The following TRIM66 variants were observed in gnomAD, a reference collection of about 807,000 sequenced individuals.
The protein encoded by TRIM66 is tripartite motif-containing protein 66.
In TRIM66, 99 loss-of-function variants were observed where a neutral mutation model predicts 148.2. That is an observed-to-expected ratio of 0.67 (90% CI 0.57 to 0.79). TRIM66 has a LOEUF of 0.79. Among genes scored for constraint, TRIM66 ranks in the 30% least tolerant of loss-of-function variants. The pLI, the probability that TRIM66 is intolerant of heterozygous loss-of-function variation, is 0.00. For missense variants in TRIM66, 1,666 were observed against 1,697.9 expected (o/e 0.98, Z 0.33); for synonymous variants, 616 against 635.9 (o/e 0.97, Z 0.47).
rs2033682510 is a variant in TRIM66, at chr11:8,615,764, C to T, written c.*2180G>A. 1 of 152,106 alleles carries T rather than the reference C, an allele frequency of 6.6e-6. No homozygotes were observed. The highest frequency in any genetic ancestry group is 2.4e-5 in the African/African-American group (1 of 41,414). 9.4% of individuals were successfully genotyped at this position (152,106 alleles called of 1,614,324 possible). A position where few individuals can be genotyped will look rare whatever the true frequency, so the allele number is the denominator to read the frequency against. On this transcript the variant is annotated 3_prime_UTR_variant, in exon 25 of 25. Transcript: ENST00000646038. ...TGATCCGTGAGCCCAGGAGGCCACA[C>T]CCAAGCTGGGAGCCTCACTCATATA... is the stretch of plus-strand genomic sequence containing the variant.
intron 6 of TRIM66, among the ~76,000 whole-genome samples, chr11:8,660,956 G>A (rs548327127): frequency 1.3e-5 from 2 of 152,188 alleles, no homozygotes; most frequent in Non-Finnish European, 2.9e-5. Context: ...GCATTAGTTT[G>A]GGACCAGATT....
At chr11:8,682,668 C>T (rs1934740863), upstream of TRIM66, 4 of 887,590 alleles carry the variant, frequency 4.5e-6, no homozygotes, top group Non-Finnish European at 5.6e-6. Flanking sequence ...GAGGAAGCGA[C>T]TAGCAGGCGC....
chr11:8,628,419 C>T (rs529625066), intron 15 of TRIM66, among the ~76,000 whole-genome samples: 1 of 151,738 alleles, frequency 6.6e-6, no homozygotes, highest in South Asian at 2.1e-4. Flanking sequence ...TCAAGACCAC[C>T]CTAGGCAATA....
At chr11:8,670,007 G>GTTTTTTTTTTTTTT (rs752586311) in intron 6 of TRIM66, among the ~76,000 whole-genome samples, 13 of 138,462 alleles carry the variant, frequency 9.4e-5, no homozygotes, top group Non-Finnish European at 1.2e-4. Context: ...GTCTTGTTTT[G>GTTTTTTTTTTTTTT]TTTTTATTTA....
chr11:8,646,498 A>C lies in TRIM66; in HGVS notation c.906T>G (p.Val302=). 1 of 1,552,188 alleles carries C rather than the reference A, an allele frequency of 6.4e-7. No individual in the cohort carries two copies. The highest frequency in any genetic ancestry group is 8.7e-7 in the Non-Finnish European group (1 of 1,147,102). The change falls in exon 11 of 25, where the codon GTT becomes GTG. Residue 302 remains valine (V), a synonymous_variant. Transcript: ENST00000646038. ...CCTGTTTGTTCAGCTCATTCATCAGAACCATCTTGGCCATTTTGATCTGGT... is the reference window on the plus strand; with the variant it reads ...CCTGTTTGTTCAGCTCATTCATCAGCACCATCTTGGCCATTTTGATCTGGT... ...VENQIKMAKM[V]LMNELNKQAN...
intron 6 of TRIM66, among the ~76,000 whole-genome samples, chr11:8,653,211 CA>C (rs2037517616): frequency 6.6e-6 from 1 of 152,206 alleles, no homozygotes; most frequent in Admixed American, 6.5e-5. Flanking sequence ...ATCCTACCAT[CA>C]AAAGGTAAGA....
At position 8,617,784 on chromosome 11, in the gene TRIM66, CAAAT is replaced by C; in HGVS notation, c.*156_*159del. The C allele has an allele frequency of 1.5e-6, 1 of 669,348 alleles. No individual in the cohort carries two copies. The highest frequency in any genetic ancestry group is 2.6e-6 in the Non-Finnish European group (1 of 384,568). The allele number at this position is 669,348 out of a possible 1,614,324, so 41.5% of individuals were successfully genotyped here. ...TCTGTAGTGGATGTACTACGGCTCC[CAAAT>C]AAATGCTGTAGATGCAAATGGCAAA... On this transcript the variant is annotated 3_prime_UTR_variant, in exon 25 of 25. Coordinates refer to ENST00000646038, the MANE Select transcript of TRIM66 (RefSeq NM_001388022.1).
Position 8,649,265 on chromosome 11 carries a change from G to A in TRIM66, c.592+475C>T, listed in dbSNP as rs182686320. On this transcript the variant is annotated intron_variant, in intron 8 of 24. Coordinates refer to ENST00000646038, the MANE Select transcript of TRIM66 (RefSeq NM_001388022.1). Reference sequence around the variant, plus strand: ...GAAGCAGGAGAATCGCTTGAACCCAGGAGGTGGAGGTTGTAGTGAGCCGAG... The same window carrying A: ...GAAGCAGGAGAATCGCTTGAACCCAAGAGGTGGAGGTTGTAGTGAGCCGAG... Among the ~76,000 whole-genome samples, 622 of 152,292 alleles carry A rather than the reference G, an allele frequency of 4.1e-3. 5 individuals carry two copies. The highest frequency in any genetic ancestry group is 0.014 in the African/African-American group (598 of 41,554).
chr11:8,620,535 G>T lies in TRIM66; in HGVS notation c.3583C>A (p.Gln1195Lys). 6.4e-7 allele frequency: 1 copy of T among 1,551,800 alleles called. No homozygotes were observed. The highest frequency in any genetic ancestry group is 8.7e-7 in the Non-Finnish European group (1 of 1,147,034). Residue 1195 changes from glutamine to lysine, a missense_variant, in exon 21 of 25, where the codon CAG becomes AAG. Gln to Lys is a moderately conservative substitution (Grantham distance 53). This residue lies in a region of TRIM66 where 31 missense variants were observed against 54.4 expected (regional missense o/e 0.57). Coordinates refer to ENST00000646038, the MANE Select transcript of TRIM66 (RefSeq NM_001388022.1). Reference sequence around the variant, plus strand: ...TCACAGTCGTACTCCATCTCGGGCTGGGTCAGGCTGCGGCACAAGGTACAC... The same window carrying T: ...TCACAGTCGTACTCCATCTCGGGCTTGGTCAGGCTGCGGCACAAGGTACAC... ...WVCTLCRSLT[Q>K]PEMEYDCENA...
Position 8,645,740 on chromosome 11 carries a change from C to T in TRIM66, c.1104+1G>A. On this transcript the variant is annotated splice_donor_variant, in intron 12 of 24. Coordinates refer to ENST00000646038, the MANE Select transcript of TRIM66 (RefSeq NM_001388022.1). LOFTEE classifies it high-confidence loss of function. ...CTGAGGAGTTGGGAGATTCCTCTTA[C>T]CAGCTCTTTGCTGAAAAGAAAAGGG... The T allele has an allele frequency of 6.4e-7, 1 of 1,551,600 alleles. No individual in the cohort carries two copies. Among genetic ancestry groups the T allele is most frequent in the Non-Finnish European group, 8.7e-7 (1 of 1,146,876 alleles).
chr11:8,648,683 G>C (rs954770200), intron 8 of TRIM66, 135 bp from the exon 9 acceptor site: 132 of 1,106,552 alleles, frequency 1.2e-4, no homozygotes, highest in Middle Eastern at 9.0e-4. Flanking sequence ...TTATAAACAG[G>C]AGATGACTCT....
intron 6 of TRIM66, among the ~76,000 whole-genome samples, chr11:8,660,177 G>A (rs1055391692): frequency 6.6e-6 from 1 of 152,132 alleles, no homozygotes; most frequent in African/African-American, 2.4e-5. Context: ...CCACAGAATA[G>A]CTTAATCAAG....
chr11:8,623,910 T>C (rs1490545302), intron 17 of TRIM66, among the ~76,000 whole-genome samples: 5 of 152,314 alleles, frequency 3.3e-5, no homozygotes, highest in South Asian at 2.1e-4. Context: ...GTAGGTGCGA[T>C]TGGCCCCATT....
chr11:8,677,624 C>CA (rs140592806), intron 3 of TRIM66, among the ~76,000 whole-genome samples: 64 of 151,672 alleles, frequency 4.2e-4, no homozygotes, highest in African/African-American at 4.8e-4. Context: ...AAAACAACAA[C>CA]AAAAAAAACA....
chr11:8,634,080 G>A (rs1303979940), intron 15 of TRIM66, among the ~76,000 whole-genome samples: 1 of 152,206 alleles, frequency 6.6e-6, no homozygotes, highest in African/African-American at 2.4e-5. Context: ...CTGGGGCTAT[G>A]TTATGAGCAG....
chr11:8,667,620 A>T (rs577598928), intron 6 of TRIM66, among the ~76,000 whole-genome samples: 1 of 152,204 alleles, frequency 6.6e-6, no homozygotes, highest in African/African-American at 2.4e-5. Context: ...TATCTCTACG[A>T]AGCTGACTAC....
intron 23 of TRIM66, 107 bp downstream of exon 23, chr11:8,619,276 C>T (rs2033967988): frequency 2.3e-6 from 3 of 1,303,498 alleles, no homozygotes; most frequent in Non-Finnish European, 3.1e-6. Flanking sequence ...ATCTGCTCCC[C>T]AGTCCTCATG....
Position 8,672,256 on chromosome 11 carries a change from A to G in TRIM66, c.19T>C (p.Trp7Arg). The G allele has an allele frequency of 6.5e-7, 1 of 1,536,168 alleles. No individual in the cohort carries two copies. Residue 7 changes from tryptophan to arginine, a missense_variant, in exon 5 of 25, where the codon TGG becomes CGG. Transcript: ENST00000646038. MARLSFWSQGVELARST... is the reference protein window; with the variant it reads MARLSFRSQGVELARST... ...CAGCCTCAGTTCCTCACCTGGGACC[A>G]AAAAGAGAGTCTAGCCATCTCTGCC...
At chr11:8,670,263 T>G (rs2038859957) in intron 6 of TRIM66, among the ~76,000 whole-genome samples, 3 of 152,140 alleles carry the variant, frequency 2.0e-5, no homozygotes, top group Admixed American at 1.3e-4. Flanking sequence ...TTCGCTGCCT[T>G]GGCCTCCCAA....
Sources: gnomAD v4.1 joint callset for allele counts (sites outside exome capture counted in the v4.1 genomes callset) on GRCh38, gnomAD v4.1.1 for gene constraint, gnomAD v4.1.1 regional missense constraint, MANE v1.5 for transcripts, NCBI Gene and HGNC (gene_info 2026-07-23, HGNC 2026-07-21) for gene names.